Variants in TRIM61 observed in about 807,000 individuals in gnomAD.
TRIM61 encodes the protein putative tripartite motif-containing protein 61.
TRIM61 carries 1 observed loss-of-function variant against 14.2 expected under a neutral mutation model. The observed-to-expected ratio is 0.07, with a 90% CI of 0.03 to 0.33. TRIM61 has a LOEUF of 0.33. Ranked by LOEUF, TRIM61 falls within the 10% of genes least tolerant of loss-of-function variation. TRIM61 has a pLI of 0.99. For synonymous variants in TRIM61, 8 were observed against 71.6 expected (o/e 0.11, Z 4.49); for missense variants, 19 against 202.2 (o/e 0.09, Z 5.49).
chr4:164,972,186 G>A (rs1732382652), intron 2 of TRIM61, among the ~76,000 whole-genome samples: 1 of 152,190 alleles, frequency 6.6e-6, no homozygotes, highest in African/African-American at 2.4e-5. Flanking sequence ...AGGACACCAG[G>A]TTTGAATCCT....
At chr4:164,963,542 G>A (rs1036723328) in intron 3 of TRIM61, among the ~76,000 whole-genome samples, 2 of 151,906 alleles carry the variant, frequency 1.3e-5, no homozygotes, top group African/African-American at 4.8e-5. Flanking sequence ...TCAGGAGTTC[G>A]AGACCAGCCT....
At chr4:164,975,720 T>C (rs1467014855) in intron 2 of TRIM61, among the ~76,000 whole-genome samples, 1 of 152,184 alleles carries the variant, frequency 6.6e-6, no homozygotes, top group Non-Finnish European at 1.5e-5. Context: ...AGCGGGGTAT[T>C]GTCCAAGGTT....
intron 2 of TRIM61, among the ~76,000 whole-genome samples, chr4:164,973,893 G>C (rs1229077003): frequency 1.3e-5 from 2 of 152,226 alleles, no homozygotes; most frequent in African/African-American, 4.8e-5. Flanking sequence ...CATTGGGCCA[G>C]GCGTGGTGGC....
intron 3 of TRIM61, among the ~76,000 whole-genome samples, chr4:164,959,436 A>T (rs1199845061): frequency 6.6e-6 from 1 of 151,820 alleles, no homozygotes; most frequent in African/African-American, 2.4e-5. Context: ...TGGTGAGCGT[A>T]TCACCAGGTA....
At chr4:164,969,051 G>A (rs1003878111) in intron 3 of TRIM61, 22 of 1,057,122 alleles carry the variant, frequency 2.1e-5, no homozygotes, top group Non-Finnish European at 2.5e-5. Flanking sequence ...TTTCCATAGC[G>A]CACAGTTTTT....
intron 3 of TRIM61, among the ~76,000 whole-genome samples, chr4:164,961,923 T>G (rs1363771743): frequency 1.3e-5 from 2 of 152,220 alleles, no homozygotes; most frequent in African/African-American, 2.4e-5. Flanking sequence ...ATTGCAGTTG[T>G]GTAGCTTATT....
At chr4:164,962,692 T>TTAAA (rs1732162444) in intron 3 of TRIM61, among the ~76,000 whole-genome samples, 1 of 139,774 alleles carries the variant, frequency 7.2e-6, no homozygotes, top group Admixed American at 7.1e-5. Context: ...CAAGAAATGT[T>TTAAA]AAAAAAAAAA....
At chr4:164,970,571 T>C (rs1276714526) in intron 2 of TRIM61, among the ~76,000 whole-genome samples, 2 of 152,018 alleles carry the variant, frequency 1.3e-5, no homozygotes, top group Admixed American at 6.5e-5. Flanking sequence ...GTATACAACA[T>C]TGCCTATATA....
chr4:164,964,401 A>C (rs2111140079), intron 3 of TRIM61, among the ~76,000 whole-genome samples: 1 of 152,200 alleles, frequency 6.6e-6, no homozygotes, highest in South Asian at 2.1e-4. Flanking sequence ...GAGAGCTTTT[A>C]AATGTAAAGC....
chr4:164,957,269 G>A, intron 3 of TRIM61: 1 of 1,614,168 alleles, frequency 6.2e-7, no homozygotes, highest in Non-Finnish European at 8.5e-7. Flanking sequence ...GAAGCGAATC[G>A]TTTTCTCCGC....
intron 3 of TRIM61, among the ~76,000 whole-genome samples, chr4:164,955,611 T>A (rs1015764733): frequency 2.0e-5 from 3 of 151,082 alleles, no homozygotes; most frequent in Non-Finnish European, 4.4e-5. Flanking sequence ...AGAAGATATG[T>A]CTTTATTGGT....
intron 3 of TRIM61, chr4:164,958,360 A>G (rs1366259675): frequency 6.0e-6 from 1 of 167,078 alleles, no homozygotes; most frequent in African/African-American, 2.4e-5. Context: ...TATGACTTGA[A>G]TGCCAGGTCT....
At chr4:164,975,427 G>GT (rs1260500957) in intron 2 of TRIM61, among the ~76,000 whole-genome samples, 1 of 152,294 alleles carries the variant, frequency 6.6e-6, no homozygotes, top group Admixed American at 6.5e-5. Flanking sequence ...AAGGGAAGAC[G>GT]TAAGAGACTC....
intron 3 of TRIM61, chr4:164,958,027 T>G (rs1732053849): frequency 6.0e-6 from 1 of 167,886 alleles, no homozygotes; most frequent in Non-Finnish European, 1.5e-5. Context: ...CTTGTATCTC[T>G]AAAGATAGAA....
At chr4:164,959,323 T>G (rs973102790) in intron 3 of TRIM61, among the ~76,000 whole-genome samples, 7 of 152,128 alleles carry the variant, frequency 4.6e-5, no homozygotes, top group Admixed American at 4.6e-4. Context: ...CATGTTTCCC[T>G]TACCCTAAGA....
intron 3 of TRIM61, among the ~76,000 whole-genome samples, chr4:164,955,723 A>G (rs1199711994): frequency 3.3e-5 from 5 of 152,184 alleles, no homozygotes; most frequent in Non-Finnish European, 7.3e-5. Context: ...CCAGCCCCAG[A>G]TGACTCAGGT....
intron 2 of TRIM61, among the ~76,000 whole-genome samples, chr4:164,971,885 T>A (rs1289379304): frequency 6.6e-6 from 1 of 152,210 alleles, no homozygotes; most frequent in Non-Finnish European, 1.5e-5. Context: ...TAACTCTTCT[T>A]CTTCCTCTCA....
intron 3 of TRIM61, among the ~76,000 whole-genome samples, chr4:164,961,903 A>G (rs921204210): frequency 2.6e-5 from 4 of 152,232 alleles, no homozygotes; most frequent in Admixed American, 2.0e-4. Flanking sequence ...GTATGCTTAC[A>G]TGAACCTAGA....
At chr4:164,976,226 G>GGCCGGT (rs1204598573) in intron 2 of TRIM61, among the ~76,000 whole-genome samples, 5 of 152,332 alleles carry the variant, frequency 3.3e-5, no homozygotes, top group Admixed American at 3.3e-4. Context: ...GGAACTCAGA[G>GGCCGGT]GCCGGTGCCG....
Sources: allele counts gnomAD v4.1 joint callset (sites outside exome capture counted in the v4.1 genomes callset), GRCh38; gene constraint gnomAD v4.1.1; transcripts MANE v1.5; gene names NCBI Gene and HGNC (gene_info 2026-07-23, HGNC 2026-07-21).